The following ETFA variants were observed in gnomAD, a reference collection of about 807,000 sequenced individuals.
The protein encoded by ETFA is electron transfer flavoprotein subunit alpha, mitochondrial.
A neutral mutation model predicts 46.2 loss-of-function variants in ETFA; 22 were observed. The ratio of observed to expected loss-of-function variants is 0.48; its 90% CI spans 0.34 to 0.68. The LOEUF is 0.68. ETFA is among the 30% of genes least tolerant of loss of function. The pLI, the probability that ETFA is intolerant of heterozygous loss-of-function variation, is 0.01. For synonymous variants in ETFA, 131 were observed against 139.9 expected, an observed-to-expected ratio of 0.94 and a Z score of 0.45; for missense variants, 345 against 401.1, an observed-to-expected ratio of 0.86 and a Z score of 1.19.
intron 11 of ETFA, among the ~76,000 whole-genome samples, chr15:76,222,027 C>T (rs2038960249): frequency 6.6e-6 from 1 of 151,980 alleles, no homozygotes; most frequent in African/African-American, 2.4e-5. Flanking sequence ...AAAATTTTCA[C>T]ACAAAAATTA....
chr15:76,228,489 G>A (rs1170468835), intron 10 of ETFA, among the ~76,000 whole-genome samples: 1 of 152,006 alleles, frequency 6.6e-6, no homozygotes, highest in Non-Finnish European at 1.5e-5. Context: ...GTGCCACTAT[G>A]CCTGCCTTAA....
intron 9 of ETFA, among the ~76,000 whole-genome samples, chr15:76,249,287 C>A (rs894164403): frequency 1.3e-5 from 2 of 152,008 alleles, no homozygotes; most frequent in African/African-American, 4.8e-5. Context: ...TGCCGCCACG[C>A]CTGGCTAATT....
chr15:76,229,400 T>TA (rs2039041107), intron 10 of ETFA, among the ~76,000 whole-genome samples: 1 of 152,212 alleles, frequency 6.6e-6, no homozygotes, highest in South Asian at 2.1e-4. Context: ...CCAGTCTCCT[T>TA]ACTTCAACTG....
At chr15:76,282,269 A>T (rs2039663121) in intron 8 of ETFA, among the ~76,000 whole-genome samples, 1 of 152,160 alleles carries the variant, frequency 6.6e-6, no homozygotes, top group East Asian at 1.9e-4. Flanking sequence ...TGATATGAAG[A>T]CAGAGGCAGA....
At chr15:76,233,156 TG>T (rs1384437469) in intron 9 of ETFA, among the ~76,000 whole-genome samples, 1 of 152,122 alleles carries the variant, frequency 6.6e-6, no homozygotes, top group Admixed American at 6.6e-5. Flanking sequence ...AGCAATTGCA[TG>T]CTCTGTGATT....
chr15:76,223,216 C>CTTTT lies in ETFA; in HGVS notation c.963+2629_963+2632dup, dbSNP rs3065601. On this transcript the variant is annotated intron_variant, in intron 11 of 11. Transcript: ENST00000557943. ...ATACATATATAACTGTACTTCAGAA[C>CTTTT]TTTTTTTTTTTTTTTTTTTGAGACA... 3.0e-4 allele frequency among the ~76,000 whole-genome samples: 37 copies of CTTTT among 121,976 alleles called. 1 individual carries two copies. The highest frequency in any genetic ancestry group is 4.8e-4 in the Non-Finnish European group (29 of 60,596). The allele number at this position is 121,976 out of a possible 152,430, so 80.0% of individuals were successfully genotyped here.
In ETFA at chr15:76,261,423, G is replaced by A. The variant is rs368026467; in HGVS notation, c.816+12989C>T. 63 of 1,267,362 alleles carry A rather than the reference G, an allele frequency of 5.0e-5. No homozygotes were observed. In the East Asian group the frequency reaches 1.1e-3, roughly 22 times the overall value. 78.5% of individuals were successfully genotyped at this position (1,267,362 alleles called of 1,614,324 possible). A position where few individuals can be genotyped will look rare whatever the true frequency, so the allele number is the denominator to read the frequency against. Reference sequence around the variant, plus strand: ...TGAGGAAGCCGATCCAGTGCTGCTCGCTGACTGGGATGAACCAGTTCTGGA... The same window carrying A: ...TGAGGAAGCCGATCCAGTGCTGCTCACTGACTGGGATGAACCAGTTCTGGA... On this transcript the variant is annotated intron_variant, in intron 9 of 11. Transcript: ENST00000557943.
chr15:76,274,495 C>T lies in ETFA; in HGVS notation c.734-1G>A. On this transcript the variant is annotated splice_acceptor_variant, in intron 8 of 11. Coordinates refer to ENST00000557943, the MANE Select transcript of ETFA (RefSeq NM_000126.4). LOFTEE classifies it high-confidence loss of function. ...TCAACAGCAGCACGGGAAGCACCAA[C>T]TAAGGGGAAAAAATATTTGTCATTT... 6.2e-7 allele frequency: 1 copy of T among 1,609,422 alleles called. No homozygotes were observed. Among genetic ancestry groups the T allele is most frequent in the Non-Finnish European group, 8.5e-7 (1 of 1,177,098 alleles).
At chr15:76,309,869 A>T (rs113112119) in intron 1 of ETFA, 1 of 152,324 alleles carries the variant, frequency 6.6e-6, no homozygotes, top group African/African-American at 2.4e-5. Flanking sequence ...CCTGAAAGAC[A>T]TGGGTTTGAA....
chr15:76,226,462 T>C, intron 10 of ETFA: 1 of 160,196 alleles, frequency 6.2e-6, no homozygotes, highest in Non-Finnish European at 1.4e-5. Flanking sequence ...CATGTGCCTG[T>C]AATCCCAACT....
In ETFA at chr15:76,226,371, G is replaced by A. The variant is rs769598404; in HGVS notation, c.883-442C>T. 1.7e-5 allele frequency: 3 copies of A among 177,926 alleles called. No individual in the cohort carries two copies. The South Asian group carries it at 3.6e-4, about 21-fold the overall frequency. 11.0% of individuals were successfully genotyped at this position (177,926 alleles called of 1,614,324 possible). A position where few individuals can be genotyped will look rare whatever the true frequency, so the allele number is the denominator to read the frequency against. On this transcript the variant is annotated intron_variant, in intron 10 of 11. Transcript: ENST00000557943. ...AGGCCAAGACGGGTGAATCACCTGAGGTCAGGAGTTCGAGACTAGCCTGGC... is the reference window on the plus strand; with the variant it reads ...AGGCCAAGACGGGTGAATCACCTGAAGTCAGGAGTTCGAGACTAGCCTGGC...
intron 4 of ETFA, among the ~76,000 whole-genome samples, chr15:76,291,843 G>A (rs1186293644): frequency 1.3e-5 from 2 of 152,048 alleles, no homozygotes; most frequent in African/African-American, 4.8e-5. Flanking sequence ...CGGCCACAGA[G>A]AGAGAGCAAG....
chr15:76,241,267 G>A (rs1014755463), intron 9 of ETFA, among the ~76,000 whole-genome samples: 3 of 152,034 alleles, frequency 2.0e-5, no homozygotes, highest in African/African-American at 4.8e-5. Context: ...TTGGGAGGTC[G>A]AGGTGGGAGG....
At chr15:76,272,557 G>C (rs959049815) in intron 9 of ETFA, among the ~76,000 whole-genome samples, 4 of 151,986 alleles carry the variant, frequency 2.6e-5, no homozygotes, top group African/African-American at 9.7e-5. Flanking sequence ...TAAGAAGGTT[G>C]TGGGTCTGCT....
intron 8 of ETFA, among the ~76,000 whole-genome samples, chr15:76,282,212 T>C (rs1023861624): frequency 6.6e-6 from 1 of 152,084 alleles, no homozygotes; most frequent in Non-Finnish European, 1.5e-5. Context: ...CATGTATCCT[T>C]ATAAGAGGGA....
chr15:76,253,228 T>C (rs1354667658), intron 9 of ETFA, among the ~76,000 whole-genome samples: 1 of 152,192 alleles, frequency 6.6e-6, no homozygotes, highest in Non-Finnish European at 1.5e-5. Flanking sequence ...AGAGCATGAA[T>C]CCATAAGCAT....
intron 8 of ETFA, among the ~76,000 whole-genome samples, chr15:76,275,368 T>C (rs1278111212): frequency 6.6e-6 from 1 of 152,214 alleles, no homozygotes; most frequent in African/African-American, 2.4e-5. Flanking sequence ...TTTATTTACC[T>C]AATAAAACTT....
chr15:76,252,384 T>C (rs541969121), intron 9 of ETFA, among the ~76,000 whole-genome samples: 2 of 152,316 alleles, frequency 1.3e-5, no homozygotes, highest in East Asian at 3.9e-4. Context: ...TCTCACCTCG[T>C]TTCAGCCTAT....
chr15:76,258,754 C>T (rs1291466212), intron 9 of ETFA, among the ~76,000 whole-genome samples: 1 of 152,218 alleles, frequency 6.6e-6, no homozygotes, highest in Non-Finnish European at 1.5e-5. Flanking sequence ...CCAGGACTGG[C>T]CCACTTCCAT....
Sources: allele counts gnomAD v4.1 joint callset (sites outside exome capture counted in the v4.1 genomes callset), GRCh38; gene constraint gnomAD v4.1.1; transcripts MANE v1.5; gene names NCBI Gene and HGNC (gene_info 2026-07-23, HGNC 2026-07-21).